CSTF3: variants seen among roughly 807,000 people sequenced by gnomAD.
CSTF3 encodes the protein CF-1 77 kDa subunit.
In CSTF3, 29 loss-of-function variants were observed where a neutral mutation model predicts 105.8. That is an observed-to-expected ratio of 0.27 (90% CI 0.20 to 0.37). The LOEUF is 0.37. Among genes scored for constraint, CSTF3 ranks in the 10% least tolerant of loss-of-function variants. CSTF3 has a pLI of 1.00. For missense variants in CSTF3, 357 were observed against 879.3 expected (o/e 0.41, Z 7.51); for synonymous variants, 252 against 281.9 (o/e 0.89, Z 1.06).
rs577589096 is a variant in CSTF3, at chr11:33,099,488, G to A, written c.936+120C>T. The A allele has an allele frequency of 2.9e-5, 21 of 731,926 alleles. No individual in the cohort carries two copies. Among genetic ancestry groups the A allele is most frequent in the African/African-American group, 9.2e-5 (5 of 54,462 alleles). The allele number at this position is 731,926 out of a possible 1,614,324, so 45.3% of individuals were successfully genotyped here. ...GAGTGTCACTAAGATTCATATGAAC[G>A]TAAACTTAAATTTTCAATACTTATG... On this transcript the variant is annotated intron_variant, in intron 11 of 20. Transcript: ENST00000323959. This position sits in a 1 kb window ranked among gnomAD's most constrained non-coding sequence, Gnocchi z 4.1.
intron 3 of CSTF3, 154 bp downstream of exon 3, chr11:33,141,513 C>T (rs1015728591): frequency 7.6e-7 from 1 of 1,320,834 alleles, no homozygotes; most frequent in East Asian, 2.9e-5. Flanking sequence ...TTCAAAAATT[C>T]ATTTTAATTA....
chr11:33,145,062 A>T (rs1322774298), intron 1 of CSTF3: 1 of 152,630 alleles, frequency 6.6e-6, no homozygotes, highest in Non-Finnish European at 1.5e-5. Context: ...AAAAAAGACA[A>T]ACGTAAAAAA....
At chr11:33,108,172 G>A (rs995297014) in intron 4 of CSTF3, among the ~76,000 whole-genome samples, 172 bp from the exon 5 acceptor site, 1 of 152,046 alleles carries the variant, frequency 6.6e-6, no homozygotes, top group African/African-American at 2.4e-5. Flanking sequence ...TGCTTCTCAT[G>A]ATTTGTCAGG....
At chr11:33,086,035 C>T (rs909476702) in intron 18 of CSTF3, 46 bp from the exon 19 acceptor site, 1 of 1,186,394 alleles carries the variant, frequency 8.4e-7, no homozygotes, top group East Asian at 2.6e-5. Context: ...GGAAGAATTT[C>T]TACACAGAGC....
intron 15 of CSTF3, among the ~76,000 whole-genome samples, chr11:33,095,678 G>A (rs980785288): frequency 2.6e-5 from 4 of 151,372 alleles, no homozygotes; most frequent in Admixed American, 2.0e-4. Flanking sequence ...AAAATTAGCC[G>A]GGCGAGGTGG....
intron 3 of CSTF3, among the ~76,000 whole-genome samples, chr11:33,112,711 T>A (rs1200693079): frequency 6.6e-6 from 1 of 152,192 alleles, no homozygotes; most frequent in Non-Finnish European, 1.5e-5. Context: ...TATGTATTAC[T>A]TACTAATATT....
intron 15 of CSTF3, among the ~76,000 whole-genome samples, chr11:33,095,819 C>CAAAAAAAAT (rs71034651): frequency 1.6e-4 from 23 of 146,138 alleles, no homozygotes; most frequent in Non-Finnish European, 2.6e-4. Context: ...GACTCTGTCT[C>CAAAAAAAAT]AAATAAATAA....
chr11:33,087,219 A>G, intron 17 of CSTF3, 78 bp from the exon 18 acceptor site: 2 of 1,471,282 alleles, frequency 1.4e-6, no homozygotes, highest in South Asian at 2.4e-5. Context: ...CCTTGAGGAT[A>G]CAGTGTGAAT....
At chr11:33,122,583 C>T (rs562934149) in intron 3 of CSTF3, among the ~76,000 whole-genome samples, 10 of 151,968 alleles carry the variant, frequency 6.6e-5, no homozygotes, top group African/African-American at 2.4e-4. Context: ...AGAGATTTGG[C>T]CAACAGAAGA....
chr11:33,089,264 T>C (rs1022600049), intron 17 of CSTF3, among the ~76,000 whole-genome samples: 1 of 150,374 alleles, frequency 6.7e-6, no homozygotes, highest in Admixed American at 6.7e-5. Flanking sequence ...GGAGATCACC[T>C]GAGCCCAGGG....
intron 3 of CSTF3, among the ~76,000 whole-genome samples, chr11:33,137,677 G>A (rs1855669656): frequency 1.3e-5 from 2 of 151,702 alleles, no homozygotes; most frequent in African/African-American, 2.4e-5. Context: ...AGCATATTGA[G>A]TTTTAAAGTA....
intron 3 of CSTF3, among the ~76,000 whole-genome samples, chr11:33,133,052 G>A (rs1360704474): frequency 6.6e-6 from 1 of 151,932 alleles, no homozygotes; most frequent in Non-Finnish European, 1.5e-5. Context: ...TACAGTAAAT[G>A]ATTTTATATT....
At chr11:33,119,302 C>G (rs971478971) in intron 3 of CSTF3, among the ~76,000 whole-genome samples, 1 of 151,780 alleles carries the variant, frequency 6.6e-6, no homozygotes, top group Non-Finnish European at 1.5e-5. Context: ...AATACTATTT[C>G]TCTTACTTAA....
chr11:33,145,083 A>AT (rs1198750377), intron 1 of CSTF3: 1 of 152,542 alleles, frequency 6.6e-6, no homozygotes, highest in East Asian at 1.9e-4. Flanking sequence ...AACCTCCAAC[A>AT]CATGACAAAA....
At chr11:33,152,153 G>A (rs1333355108) in intron 1 of CSTF3, among the ~76,000 whole-genome samples, 1 of 152,202 alleles carries the variant, frequency 6.6e-6, no homozygotes, top group African/African-American at 2.4e-5. Flanking sequence ...TACTCAGGAG[G>A]CTAAGGTGGG....
At chr11:33,149,329 T>C (rs1367635410) in intron 1 of CSTF3, among the ~76,000 whole-genome samples, 1 of 152,220 alleles carries the variant, frequency 6.6e-6, no homozygotes, top group African/African-American at 2.4e-5. Flanking sequence ...ACCGCATTAA[T>C]TAACAATGGA....
At chr11:33,106,837 G>A (rs1343857159) in intron 5 of CSTF3, among the ~76,000 whole-genome samples, 1 of 152,000 alleles carries the variant, frequency 6.6e-6, no homozygotes, top group Non-Finnish European at 1.5e-5. Context: ...GGAAATTTGT[G>A]GTTCTCTCAT....
chr11:33,128,216 T>A (rs1284278619), intron 3 of CSTF3, among the ~76,000 whole-genome samples: 3 of 152,148 alleles, frequency 2.0e-5, no homozygotes, highest in Non-Finnish European at 2.9e-5. Context: ...AGGAAATGTT[T>A]TTCCCCCTCT....
chr11:33,157,421 C>T lies in CSTF3; in HGVS notation c.27+3878G>A, dbSNP rs1368112341. Among the ~76,000 whole-genome samples, 5 of 151,972 alleles carry T rather than the reference C, an allele frequency of 3.3e-5. No individual in the cohort carries two copies. In the East Asian group the frequency reaches 9.6e-4, roughly 29 times the overall value. On this transcript the variant is annotated intron_variant, in intron 1 of 20. Transcript: ENST00000323959. ...TAAATAATACAGCCATAATTCCACACAGAAATCATATGTTTGTTAGGGGGG... is the reference window on the plus strand; with the variant it reads ...TAAATAATACAGCCATAATTCCACATAGAAATCATATGTTTGTTAGGGGGG...
Sources: gnomAD v4.1 joint callset for allele counts (sites outside exome capture counted in the v4.1 genomes callset) on GRCh38, gnomAD v4.1.1 for gene constraint, Gnocchi (gnomAD v3.1) non-coding constraint, MANE v1.5 for transcripts, NCBI Gene and HGNC (gene_info 2026-07-23, HGNC 2026-07-21) for gene names.